C2CD4C: variants seen among roughly 807,000 people sequenced by gnomAD.
The protein encoded by C2CD4C is C2 calcium dependent domain containing 4C, also known as C2 calcium-dependent domain-containing protein 4C.
A neutral mutation model predicts 4.1 loss-of-function variants in C2CD4C; 3 were observed. That is an observed-to-expected ratio of 0.73 (90% confidence interval 0.33 to 1.88). The LOEUF (loss-of-function observed/expected upper bound fraction) is 1.88. C2CD4C is among the 40% of genes most tolerant of loss of function. C2CD4C has a pLI of 0.08. For synonymous variants in C2CD4C, 364 were observed against 290.4 expected, an observed-to-expected ratio of 1.25 and a Z score of -2.57; for missense variants, 664 against 621.5, an observed-to-expected ratio of 1.07 and a Z score of -0.73.
Position 405,483 on chromosome 19 carries a change from TAAAC to T in C2CD4C, c.*1609_*1612del, listed in dbSNP as rs1463076597. On this transcript the variant is annotated 3_prime_UTR_variant, in exon 2 of 2. Coordinates refer to ENST00000332235, the MANE Select transcript of C2CD4C (RefSeq NM_001136263.2). ...TTTATTGCACTATAAACAGCATTTA[TAAAC>T]AAACACAGCTGGGGAGTGTCTTAAA... The T allele has an allele frequency of 6.6e-6, 1 of 152,144 alleles. No individual in the cohort carries two copies. The highest frequency in any genetic ancestry group is 1.9e-4 in the East Asian group (1 of 5,202). The allele number at this position is 152,144 out of a possible 1,614,324, so 9.4% of individuals were successfully genotyped here.
chr19:408,755 G>A (rs1256285780), intron 1 of C2CD4C, among the ~76,000 whole-genome samples: 1 of 152,188 alleles, frequency 6.6e-6, no homozygotes, highest in Non-Finnish European at 1.5e-5. Flanking sequence ...CCCAGGGGAA[G>A]ACACGGATGT....
chr19:407,286 C>G lies in C2CD4C; in HGVS notation c.1076G>C (p.Arg359Pro). ...CLVPGKLQKQ[R>P]STIVKNSRRP... is the part of the protein sequence containing the mutation. Reference sequence around the variant, plus strand: ...GCGGCTGTTCTTCACGATGGTGCTGCGCTGCTTCTGCAGCTTGCCCGGCAC... The same window carrying G: ...GCGGCTGTTCTTCACGATGGTGCTGGGCTGCTTCTGCAGCTTGCCCGGCAC... Residue 359 changes from arginine (R) to proline (P), a missense_variant, in exon 2 of 2, where the codon CGC becomes CCC. Physicochemically the swap from Arg to Pro is moderately radical, Grantham distance 103. Coordinates refer to ENST00000332235, the MANE Select transcript of C2CD4C (RefSeq NM_001136263.2). 1 of 1,550,088 alleles carries G rather than the reference C, an allele frequency of 6.5e-7. No homozygotes were observed. Among genetic ancestry groups the G allele is most frequent in the Non-Finnish European group, 8.7e-7 (1 of 1,146,858 alleles).
rs1974022705 is a variant in C2CD4C, at chr19:408,030, A to C, written c.332T>G (p.Val111Gly). ...GTCCTCGGCACTCTCGATCTGGATCACGTGCCGGGTGGCTGCCTTCAGCAG... is the reference window on the plus strand; with the variant it reads ...GTCCTCGGCACTCTCGATCTGGATCCCGTGCCGGGTGGCTGCCTTCAGCAG... Reference protein sequence around the residue: ...KSLLKAATRHVIQIESAEDWL... With the variant: ...KSLLKAATRHGIQIESAEDWL... The change falls in exon 2 of 2, where the codon GTG becomes GGG. Residue 111 changes from valine (V) to glycine (G), a missense_variant. Coordinates refer to ENST00000332235, the MANE Select transcript of C2CD4C (RefSeq NM_001136263.2). 6.5e-7 allele frequency: 1 copy of C among 1,545,986 alleles called. No homozygotes were observed. The highest frequency in any genetic ancestry group is 1.4e-5 in the African/African-American group (1 of 72,760).
At position 408,008 on chromosome 19, in the gene C2CD4C, C is replaced by T; in HGVS notation, c.354G>A (p.Glu118=). The T allele has an allele frequency of 6.5e-7, 1 of 1,548,594 alleles. No individual in the cohort carries two copies. Among genetic ancestry groups the T allele is most frequent in the Non-Finnish European group, 8.7e-7 (1 of 1,146,394 alleles). Reference sequence around the variant, plus strand: ...CAGTGGCCTCCTCGGACAGCCAGTCCTCGGCACTCTCGATCTGGATCACGT... The same window carrying T: ...CAGTGGCCTCCTCGGACAGCCAGTCTTCGGCACTCTCGATCTGGATCACGT... ...TRHVIQIESA[E]DWLSEEATDA... is the part of the protein sequence containing the mutation. Residue 118 remains glutamate, a synonymous_variant, in exon 2 of 2, where the codon GAG becomes GAA. Coordinates refer to ENST00000332235, the MANE Select transcript of C2CD4C (RefSeq NM_001136263.2).
At position 407,131 on chromosome 19, in the gene C2CD4C, C is replaced by G. The variant is rs1419571065; in HGVS notation, c.1231G>C (p.Glu411Gln). The change falls in exon 2 of 2, where the codon GAG becomes CAG. Residue 411 changes from glutamate to glutamine, a missense_variant. By Grantham distance (29) the Glu-to-Gln change is conservative. Transcript: ENST00000332235. ...GGGAGCAGGGAGGTCAGGGGCAGCT[C>G]CTTCTCCCCGAGCAGCGTGTCCCGC... Reference protein sequence around the residue: ...LKRDTLLGEKELPLTSLLPFL With the variant: ...LKRDTLLGEKQLPLTSLLPFL 6.5e-7 allele frequency: 1 copy of G among 1,549,984 alleles called. No homozygotes were observed. The highest frequency in any genetic ancestry group is 1.2e-5 in the South Asian group (1 of 84,040).
chr19:407,814 C>T lies in C2CD4C; in HGVS notation c.548G>A (p.Arg183His), dbSNP rs930570992. ...LAQVGSPGAG[R>H]RRAAAKANGG... ...GTTGGCCTTGGCAGCTGCCCGGCGG[C>T]GCCCGGCCCCTGGGGAGCCCACCTG... is the stretch of plus-strand genomic sequence containing the variant. The change falls in exon 2 of 2, where the codon CGC (arginine) becomes CAC (histidine). Residue 183 changes from arginine to histidine, a missense_variant. By Grantham distance (29) the Arg-to-His change is conservative. Transcript: ENST00000332235. The T allele has an allele frequency of 5.9e-6, 9 of 1,536,630 alleles. No homozygotes were observed. The highest frequency in any genetic ancestry group is 1.7e-4 in the Middle Eastern group (1 of 5,900).
chr19:407,052 G>A lies in C2CD4C; in HGVS notation c.*44C>T. The A allele has an allele frequency of 1.3e-6, 2 of 1,496,490 alleles. No individual in the cohort carries two copies. The highest frequency in any genetic ancestry group is 1.8e-6 in the Non-Finnish European group (2 of 1,119,814). The allele number at this position is 1,496,490 out of a possible 1,614,324, so 92.7% of individuals were successfully genotyped here. ...GCACCCGGTGTGGAGGAGAGACCGG[G>A]GTCTGCCCTCTGCACCCGAGCGGAC... On this transcript the variant is annotated 3_prime_UTR_variant, in exon 2 of 2. Coordinates refer to ENST00000332235, the MANE Select transcript of C2CD4C (RefSeq NM_001136263.2).
rs1049243531 is a variant in C2CD4C, at chr19:407,077, C to G, written c.*19G>C. ...GGTCTGCCCTCTGCACCCGAGCGGA[C>G]AGCGAGCAGGTCCCCGCTCTACAGG... On this transcript the variant is annotated 3_prime_UTR_variant, in exon 2 of 2. Transcript: ENST00000332235. 4.6e-6 allele frequency: 7 copies of G among 1,530,934 alleles called. No homozygotes were observed. The highest frequency in any genetic ancestry group is 2.0e-5 in the Admixed American group (1 of 49,974). 94.8% of individuals were successfully genotyped at this position (1,530,934 alleles called of 1,614,324 possible). A position where few individuals can be genotyped will look rare whatever the true frequency, so the allele number is the denominator to read the frequency against.
chr19:407,090 C>G lies in C2CD4C; in HGVS notation c.*6G>C. On this transcript the variant is annotated 3_prime_UTR_variant, in exon 2 of 2. Coordinates refer to ENST00000332235, the MANE Select transcript of C2CD4C (RefSeq NM_001136263.2). The stretch of plus-strand genomic sequence containing the variant: ...CACCCGAGCGGACAGCGAGCAGGTC[C>G]CCGCTCTACAGGAAGGGGAGCAGGG... 1 of 1,543,104 alleles carries G rather than the reference C, an allele frequency of 6.5e-7. No homozygotes were observed. The highest frequency in any genetic ancestry group is 1.2e-5 in the South Asian group (1 of 83,502).
In C2CD4C at chr19:407,696, G is replaced by C. The variant is rs779883450; in HGVS notation, c.666C>G (p.Ala222=). The C allele has an allele frequency of 2.7e-5, 41 of 1,533,376 alleles. No homozygotes were observed. The highest frequency in any genetic ancestry group is 3.3e-5 in the Non-Finnish European group (38 of 1,138,830). The allele number at this position is 1,533,376 out of a possible 1,614,324, so 95.0% of individuals were successfully genotyped here. A position where few individuals can be genotyped will look rare whatever the true frequency, so the allele number is the denominator to read the frequency against. ...SGGESDTGSS[A]ESSPFGSPLL... ...GAGGGGACCCGAAGGGGGAGGACTC[G>C]GCCGAGGACCCTGTGTCGCTCTCCC... Residue 222 remains alanine, a synonymous_variant, in exon 2 of 2, where the codon GCC becomes GCG. Coordinates refer to ENST00000332235, the MANE Select transcript of C2CD4C (RefSeq NM_001136263.2).
At position 407,325 on chromosome 19, in the gene C2CD4C, A is replaced by G; in HGVS notation, c.1037T>C (p.Val346Ala). The G allele has an allele frequency of 6.5e-7, 1 of 1,549,226 alleles. No homozygotes were observed. The highest frequency in any genetic ancestry group is 8.7e-7 in the Non-Finnish European group (1 of 1,146,758). The change falls in exon 2 of 2, where the codon GTG (valine) becomes GCG (alanine). Residue 346 changes from valine to alanine, a missense_variant. By Grantham distance (64) the Val-to-Ala change is moderately conservative. Transcript: ENST00000332235. ...LCDARSINCC[V>A]GLCLVPGKLQ... is the part of the protein sequence containing the mutation. The stretch of plus-strand genomic sequence containing the variant: ...CTTGCCCGGCACCAGGCACAGGCCC[A>G]CGCAGCAGTTGATGCTGCGGGCGTC...
intron 1 of C2CD4C, among the ~76,000 whole-genome samples, chr19:408,773 C>T (rs1974042287): frequency 6.6e-6 from 1 of 152,168 alleles, no homozygotes; most frequent in South Asian, 2.1e-4. Flanking sequence ...TGTGGGTGGA[C>T]CCCCGGGGTG....
Position 408,120 on chromosome 19 carries a change from G to T in C2CD4C, c.242C>A (p.Ala81Glu), listed in dbSNP as rs890702759. The T allele has an allele frequency of 6.8e-7, 1 of 1,469,494 alleles. No individual in the cohort carries two copies. Among genetic ancestry groups the T allele is most frequent in the African/African-American group, 1.4e-5 (1 of 69,572 alleles). 91.0% of individuals were successfully genotyped at this position (1,469,494 alleles called of 1,614,324 possible). The stretch of plus-strand genomic sequence containing the variant: ...GCTCCGTGGGGTCTGGCGGGGGGCC[G>T]CAGAGGCCAGGTTCTGTTCCGACGT... Reference protein sequence around the residue: ...PSTSEQNLASAAPRQTPRSPR... With the variant: ...PSTSEQNLASEAPRQTPRSPR... Residue 81 changes from alanine to glutamate, a missense_variant, in exon 2 of 2, where the codon GCG becomes GAG. By Grantham distance (107) the Ala-to-Glu change is moderately radical. Coordinates refer to ENST00000332235, the MANE Select transcript of C2CD4C (RefSeq NM_001136263.2).
In C2CD4C at chr19:407,159, G is replaced by C. The variant is rs1399389503; in HGVS notation, c.1203C>G (p.Leu401=). Residue 401 remains leucine (L), a synonymous_variant, in exon 2 of 2, where the codon CTC becomes CTG. Transcript: ENST00000332235. ...RIKVVNKGSS[L]KRDTLLGEKE... ...TCTCCCCGAGCAGCGTGTCCCGCTT[G>C]AGGCTGCTGCCCTTGTTCACCACCT... 6.5e-7 allele frequency: 1 copy of C among 1,550,130 alleles called. No homozygotes were observed. Among genetic ancestry groups the C allele is most frequent in the African/African-American group, 1.4e-5 (1 of 73,068 alleles).
chr19:407,507 G>C lies in C2CD4C; in HGVS notation c.855C>G (p.Pro285=). Residue 285 remains proline (P), a synonymous_variant, in exon 2 of 2, where the codon CCC becomes CCG. Transcript: ENST00000332235. ...GSRRRLTRRA[P]PEPGPESGQA... ...GGCCCGACTCGGGGCCAGGTTCCGG[G>C]GGTGCCCGGCGGGTCAGGCGGCGCC... is the stretch of plus-strand genomic sequence containing the variant. The C allele has an allele frequency of 7.2e-7, 1 of 1,381,844 alleles. No homozygotes were observed. The highest frequency in any genetic ancestry group is 9.3e-7 in the Non-Finnish European group (1 of 1,070,928). The allele number at this position is 1,381,844 out of a possible 1,614,324, so 85.6% of individuals were successfully genotyped here. A position where few individuals can be genotyped will look rare whatever the true frequency, so the allele number is the denominator to read the frequency against.
chr19:406,982 C>CCCGA lies in C2CD4C; in HGVS notation c.*113_*114insTCGG. 1 of 640,740 alleles carries CCCGA rather than the reference C, an allele frequency of 1.6e-6. No individual in the cohort carries two copies. The highest frequency in any genetic ancestry group is 2.5e-6 in the Non-Finnish European group (1 of 400,742). The allele number at this position is 640,740 out of a possible 1,614,324, so 39.7% of individuals were successfully genotyped here. On this transcript the variant is annotated 3_prime_UTR_variant, in exon 2 of 2. Transcript: ENST00000332235. ...CGCCCAGCCCAGCCTGAGTGTGAGC[C>CCCGA]CCTCCCCGGCCAGCCCCAGCCCAAG...
chr19:408,392 G>T lies in C2CD4C; in HGVS notation c.-31C>A, dbSNP rs1000253997. 1.3e-6 allele frequency: 2 copies of T among 1,530,738 alleles called. No homozygotes were observed. Among genetic ancestry groups the T allele is most frequent in the African/African-American group, 2.8e-5 (2 of 71,178 alleles). 94.8% of individuals were successfully genotyped at this position (1,530,738 alleles called of 1,614,324 possible). A position where few individuals can be genotyped will look rare whatever the true frequency, so the allele number is the denominator to read the frequency against. ...CGGCAGGCAAGAGGCCCGGACAGGG[G>T]CTGCAGCGTCTGGGAAGAGAAGCAG... On this transcript the variant is annotated 5_prime_UTR_variant, in exon 2 of 2. Transcript: ENST00000332235.
chr19:407,690 G>T lies in C2CD4C; in HGVS notation c.672C>A (p.Ser224=). 1 of 1,534,118 alleles carries T rather than the reference G, an allele frequency of 6.5e-7. No homozygotes were observed. The highest frequency in any genetic ancestry group is 1.2e-5 in the South Asian group (1 of 81,768). The change falls in exon 2 of 2, where the codon TCC becomes TCA. Residue 224 remains serine, a synonymous_variant. Transcript: ENST00000332235. ...ACAGCAGAGGGGACCCGAAGGGGGAGGACTCGGCCGAGGACCCTGTGTCGC... is the reference window on the plus strand; with the variant it reads ...ACAGCAGAGGGGACCCGAAGGGGGATGACTCGGCCGAGGACCCTGTGTCGC... ...GESDTGSSAE[S]SPFGSPLLSR...
At position 407,684 on chromosome 19, in the gene C2CD4C, G is replaced by T. The variant is rs996167601; in HGVS notation, c.678C>A (p.Pro226=). Residue 226 remains proline (P), a synonymous_variant, in exon 2 of 2, where the codon CCC becomes CCA. Transcript: ENST00000332235. ...AGCGGGACAGCAGAGGGGACCCGAA[G>T]GGGGAGGACTCGGCCGAGGACCCTG... The part of the protein sequence containing the change: ...SDTGSSAESS[P]FGSPLLSRSV... 10 of 1,533,188 alleles carry T rather than the reference G, an allele frequency of 6.5e-6. No homozygotes were observed. The highest frequency in any genetic ancestry group is 8.8e-6 in the Non-Finnish European group (10 of 1,138,800). The allele number at this position is 1,533,188 out of a possible 1,614,324, so 95.0% of individuals were successfully genotyped here.
Sources: gnomAD v4.1 joint callset for allele counts (sites outside exome capture counted in the v4.1 genomes callset) on GRCh38, gnomAD v4.1.1 for gene constraint, MANE v1.5 for transcripts, NCBI Gene and HGNC (gene_info 2026-07-23, HGNC 2026-07-21) for gene names.